Variants in HBS1L observed in about 807,000 individuals in gnomAD.
The protein encoded by HBS1L is HBS1-like protein.
A neutral mutation model predicts 88.9 loss-of-function variants in HBS1L; 55 were observed. The ratio of observed to expected loss-of-function variants is 0.62; its 90% CI spans 0.50 to 0.77. The LOEUF (loss-of-function observed/expected upper bound fraction) is 0.77, where lower values mean the gene tolerates loss of function less well. Among genes scored for constraint, HBS1L ranks in the 30% least tolerant of loss-of-function variants. The probability of loss-of-function intolerance (pLI) is 0.00; values close to 1 mark genes in which losing one functional copy is unlikely to be tolerated. For synonymous variants in HBS1L, 267 were observed against 288.5 expected, an observed-to-expected ratio of 0.93 and a Z score of 0.76; for missense variants, 741 against 829.3, an observed-to-expected ratio of 0.89 and a Z score of 1.31.
intron 2 of HBS1L, among the ~76,000 whole-genome samples, chr6:135,046,045 C>A (rs1776902560): frequency 6.6e-6 from 1 of 152,214 alleles, no homozygotes; most frequent in African/African-American, 2.4e-5. Flanking sequence ...CTGTCTTTCA[C>A]AATTTCATTC....
chr6:135,040,314 G>A (rs1776690492), intron 3 of HBS1L, among the ~76,000 whole-genome samples: 1 of 148,660 alleles, frequency 6.7e-6, no homozygotes, highest in Non-Finnish European at 1.5e-5. Flanking sequence ...AAATAAGAAA[G>A]TCCAGGAGAT....
At chr6:135,019,878 G>A (rs1776024180) in intron 4 of HBS1L, among the ~76,000 whole-genome samples, 1 of 151,730 alleles carries the variant, frequency 6.6e-6, no homozygotes, top group Admixed American at 6.6e-5. Flanking sequence ...AATTAATAAA[G>A]GAAAAGGAAA....
intron 4 of HBS1L, among the ~76,000 whole-genome samples, chr6:135,031,096 T>A (rs138619590): frequency 2.3e-3 from 352 of 152,240 alleles, no homozygotes; most frequent in Non-Finnish European, 4.1e-3. Context: ...GTAAGTGTAG[T>A]GCTTAGTATT....
chr6:135,053,722 C>G (rs1222307055), intron 1 of HBS1L, among the ~76,000 whole-genome samples: 1 of 152,186 alleles, frequency 6.6e-6, no homozygotes, highest in Non-Finnish European at 1.5e-5. Context: ...ACATATTAAG[C>G]ACTACATGTT....
chr6:135,033,016 C>G (rs1462672602), intron 4 of HBS1L, among the ~76,000 whole-genome samples: 2 of 151,998 alleles, frequency 1.3e-5, no homozygotes, highest in Non-Finnish European at 2.9e-5. Flanking sequence ...GAATCATATC[C>G]AAAAGAGCCA....
At chr6:135,019,710 A>G (rs1339632698) in intron 4 of HBS1L, among the ~76,000 whole-genome samples, 1 of 151,968 alleles carries the variant, frequency 6.6e-6, no homozygotes, top group East Asian at 1.9e-4. Flanking sequence ...GTTTTAAAAA[A>G]GACATACAAT....
intron 4 of HBS1L, among the ~76,000 whole-genome samples, chr6:135,012,169 A>T (rs1775795442): frequency 6.6e-6 from 1 of 152,198 alleles, no homozygotes; most frequent in Non-Finnish European, 1.5e-5. Context: ...GTAGATGTAC[A>T]TAAGGGAATG....
intron 8 of HBS1L, among the ~76,000 whole-genome samples, chr6:134,990,559 TAAAG>T: frequency 6.6e-6 from 1 of 152,224 alleles, no homozygotes; most frequent in Non-Finnish European, 1.5e-5. Flanking sequence ...CATAATTCCA[TAAAG>T]AGTTTGAAAT....
intron 4 of HBS1L, among the ~76,000 whole-genome samples, chr6:135,017,757 A>T (rs1357990940): frequency 6.6e-6 from 1 of 151,996 alleles, no homozygotes; most frequent in African/African-American, 2.4e-5. Flanking sequence ...AGGTAAGAAA[A>T]TCATGAGTGA....
At chr6:135,013,191 C>A (rs945918819) in intron 4 of HBS1L, among the ~76,000 whole-genome samples, 3 of 152,136 alleles carry the variant, frequency 2.0e-5, no homozygotes, top group African/African-American at 4.8e-5. Flanking sequence ...ATCTGCCTAA[C>A]AAAGATGTTA....
At chr6:134,977,331 A>G (rs1774676641) in intron 15 of HBS1L, among the ~76,000 whole-genome samples, 2 of 152,000 alleles carry the variant, frequency 1.3e-5, no homozygotes, top group South Asian at 2.1e-4. Flanking sequence ...TTATTATTGC[A>G]TGAGTAAAAA....
chr6:134,967,732 A>G (rs1026108062), intron 16 of HBS1L, among the ~76,000 whole-genome samples: 2 of 152,328 alleles, frequency 1.3e-5, no homozygotes, highest in South Asian at 2.1e-4. Flanking sequence ...ACAAAAGAAT[A>G]TAATTTATGT....
At chr6:134,977,191 C>A (rs1391524483) in intron 15 of HBS1L, among the ~76,000 whole-genome samples, 1 of 151,908 alleles carries the variant, frequency 6.6e-6, no homozygotes, top group Admixed American at 6.6e-5. Context: ...CTGGCAGAAT[C>A]TCCTAAAGCA....
At position 135,002,800 on chromosome 6, in the gene HBS1L, A is replaced by G. The variant is rs370101931; in HGVS notation, c.473T>C (p.Ile158Thr). 6.8e-6 allele frequency: 11 copies of G among 1,613,210 alleles called. No homozygotes were observed. The highest frequency in any genetic ancestry group is 9.3e-6 in the Non-Finnish European group (11 of 1,179,536). The change falls in exon 5 of 18, where the codon ATT becomes ACT. Residue 158 changes from isoleucine (I) to threonine (T), a missense_variant. Ile to Thr is a moderately conservative substitution (Grantham distance 89). Around this residue, in one of 3 missense-constraint regions of HBS1L, gnomAD observed 556 missense variants for 598.4 expected, o/e 0.93. Transcript: ENST00000367837. ...AGTCATTTTAGCAACTTTTGGCACA[A>G]TTTCAGATTCACTTCGCGATGTCTG... is the stretch of plus-strand genomic sequence containing the variant. Reference protein sequence around the residue: ...DSQTSRSESEIVPKVAKMTVS... With the variant: ...DSQTSRSESETVPKVAKMTVS...
At chr6:135,020,247 C>T (rs773485046) in intron 4 of HBS1L, among the ~76,000 whole-genome samples, 19 of 151,792 alleles carry the variant, frequency 1.3e-4, no homozygotes, top group Non-Finnish European at 2.4e-4. Context: ...ACAGCATTTG[C>T]TCCTTAAGTG....
intron 4 of HBS1L, among the ~76,000 whole-genome samples, chr6:135,019,582 C>T (rs936111878): frequency 2.6e-5 from 4 of 151,802 alleles, no homozygotes; most frequent in Admixed American, 2.0e-4. Flanking sequence ...TCGGCGTAAT[C>T]CTTATTTCAA....
At chr6:134,994,577 AC>A (rs1314293706) in intron 7 of HBS1L, among the ~76,000 whole-genome samples, 2 of 152,068 alleles carry the variant, frequency 1.3e-5, no homozygotes, top group African/African-American at 4.8e-5. Flanking sequence ...TGGGGATGGG[AC>A]CCACATCTAA....
At chr6:135,014,002 T>C (rs1318212645) in intron 4 of HBS1L, among the ~76,000 whole-genome samples, 2 of 152,136 alleles carry the variant, frequency 1.3e-5, no homozygotes, top group African/African-American at 4.8e-5. Flanking sequence ...CATCAGCAGA[T>C]GCTTGATGGA....
At chr6:134,985,559 T>A (rs536430906) in intron 11 of HBS1L, 150 bp from the exon 12 acceptor site, 71 of 530,736 alleles carry the variant, frequency 1.3e-4, no homozygotes, top group Non-Finnish European at 2.3e-4. Flanking sequence ...ATATACACAT[T>A]GAGCATCCCA....
Sources: allele counts gnomAD v4.1 joint callset (sites outside exome capture counted in the v4.1 genomes callset), GRCh38; gene constraint gnomAD v4.1.1; regional missense constraint gnomAD v4.1.1; transcripts MANE v1.5; gene names NCBI Gene and HGNC (gene_info 2026-07-23, HGNC 2026-07-21).